The following ZCWPW2 variants were observed in gnomAD, a reference collection of about 807,000 sequenced individuals.
ZCWPW2 encodes the protein zinc finger CW-type and PWWP domain containing 2.
A neutral mutation model predicts 46.6 loss-of-function variants in ZCWPW2; 45 were observed. That is an observed-to-expected ratio of 0.96 (90% CI 0.76 to 1.24). ZCWPW2 has a LOEUF of 1.24. Ranked by LOEUF, ZCWPW2 falls within the 50% of genes most tolerant of loss-of-function variation. The pLI is 0.00. For missense variants in ZCWPW2, 429 were observed against 403.9 expected (o/e 1.06, Z -0.53); for synonymous variants, 152 against 137.1 (o/e 1.11, Z -0.76).
chr3:28,406,112 G>T (rs1018130325), intron 2 of ZCWPW2, among the ~76,000 whole-genome samples: 2 of 152,182 alleles, frequency 1.3e-5, no homozygotes, highest in Non-Finnish European at 1.5e-5. Context: ...CTGTGGCTTG[G>T]CTCTTCTTGA....
rs66815845 is a variant in ZCWPW2 at position 28,381,025 on chromosome 3, G to GTA, written c.-133-9455_-133-9454dup. 8.6e-3 allele frequency among the ~76,000 whole-genome samples: 60 copies of GTA among 7,006 alleles called. 10 individuals are homozygous for GTA. Among genetic ancestry groups the GTA allele is most frequent in the African/African-American group, 0.025 (30 of 1,188 alleles). The allele number at this position is 7,006 out of a possible 152,430, so 4.6% of individuals were successfully genotyped here. A position where few individuals can be genotyped will look rare whatever the true frequency, so the allele number is the denominator to read the frequency against. On this transcript the variant is annotated intron_variant, in intron 1 of 9. Coordinates refer to ENST00000383768, the MANE Select transcript of ZCWPW2 (RefSeq NM_001040432.4). Reference sequence around the variant, plus strand: ...GTATATATATATATATATATATTTGGTATATATATATATATATATTTGGTG... The same window carrying GTA: ...GTATATATATATATATATATATTTGGTATATATATATATATATATATTTGGTG...
At chr3:28,515,229 T>G (rs978934634) in intron 7 of ZCWPW2, among the ~76,000 whole-genome samples, 15 of 152,162 alleles carry the variant, frequency 9.9e-5, no homozygotes, top group African/African-American at 3.4e-4. Flanking sequence ...AAATTTCTTG[T>G]TTTTCTCTGA....
intron 6 of ZCWPW2, among the ~76,000 whole-genome samples, chr3:28,494,865 T>C (rs543605363): frequency 7.1e-6 from 1 of 140,358 alleles, no homozygotes; most frequent in Admixed American, 7.4e-5. Context: ...GGAATCCAAC[T>C]TACAAGGGAT....
intron 4 of ZCWPW2, among the ~76,000 whole-genome samples, chr3:28,470,309 A>G (rs1698988766): frequency 6.6e-6 from 1 of 152,158 alleles, no homozygotes; most frequent in South Asian, 2.1e-4. Flanking sequence ...CCTGGCCAAC[A>G]TGGTAAATAA....
chr3:28,442,664 G>A (rs796756539), intron 4 of ZCWPW2, among the ~76,000 whole-genome samples: 12 of 152,380 alleles, frequency 7.9e-5, no homozygotes, highest in African/African-American at 2.6e-4. Flanking sequence ...TGCATACCAG[G>A]TATCAGGAGA....
chr3:28,478,986 G>A, intron 5 of ZCWPW2, 55 bp downstream of exon 5: 2 of 1,165,250 alleles, frequency 1.7e-6, no homozygotes, highest in Non-Finnish European at 2.4e-6. Flanking sequence ...TCAAATGCAT[G>A]TTTTCCAAAA....
intron 5 of ZCWPW2, among the ~76,000 whole-genome samples, chr3:28,485,104 C>T (rs773438936): frequency 6.6e-6 from 1 of 150,934 alleles, no homozygotes; most frequent in Non-Finnish European, 1.5e-5. Context: ...CTTTCATTTT[C>T]ATTGAGTTCA....
chr3:28,387,917 A>G (rs1375263297), intron 1 of ZCWPW2, among the ~76,000 whole-genome samples: 1 of 152,200 alleles, frequency 6.6e-6, no homozygotes, highest in Non-Finnish European at 1.5e-5. Flanking sequence ...TTCATTAGTC[A>G]GGGTTCTACA....
intron 8 of ZCWPW2, among the ~76,000 whole-genome samples, chr3:28,519,826 G>A (rs1235401815): frequency 6.6e-6 from 1 of 152,150 alleles, no homozygotes; most frequent in Admixed American, 6.5e-5. Context: ...TTTCTTTGAA[G>A]CAAAGGCTTC....
At chr3:28,505,544 A>G (rs894736567) in intron 6 of ZCWPW2, among the ~76,000 whole-genome samples, 1 of 152,154 alleles carries the variant, frequency 6.6e-6, no homozygotes, top group Non-Finnish European at 1.5e-5. Context: ...AGACTTAACT[A>G]TATTATCTCT....
At chr3:28,481,274 C>T (rs570690168) in intron 5 of ZCWPW2, among the ~76,000 whole-genome samples, 19 of 149,148 alleles carry the variant, frequency 1.3e-4, no homozygotes, top group African/African-American at 2.5e-4. Flanking sequence ...GATGGAGTCT[C>T]GCTCTGTTGC....
chr3:28,492,170 A>G lies in ZCWPW2; in HGVS notation c.654A>G (p.Lys218=), dbSNP rs1274064886. ...ACAAAGTTGCTGCACTGGTCAAGAA[A>G]AGGGTAAGATTGTGTTTTATTATAT... ...THDKVAALVK[K]RKQTSKNNIE... The change falls in exon 6 of 10, where the codon AAA becomes AAG. Residue 218 remains lysine (K), a synonymous_variant. Transcript: ENST00000383768. 6.2e-7 allele frequency: 1 copy of G among 1,606,262 alleles called. No homozygotes were observed. Among genetic ancestry groups the G allele is most frequent in the Admixed American group, 1.7e-5 (1 of 59,170 alleles).
intron 4 of ZCWPW2, chr3:28,447,809 A>C: frequency 1.1e-6 from 1 of 913,712 alleles, no homozygotes; most frequent in South Asian, 1.3e-5. Context: ...CCCTGGCAAT[A>C]GAATTGTTTA....
chr3:28,434,015 TAC>T (rs1697382047), intron 3 of ZCWPW2, among the ~76,000 whole-genome samples: 1 of 151,702 alleles, frequency 6.6e-6, no homozygotes, highest in Non-Finnish European at 1.5e-5. Flanking sequence ...TGTTTAAAAT[TAC>T]AGAAATTATT....
At chr3:28,365,343 TC>T (rs1343451664) in intron 1 of ZCWPW2, among the ~76,000 whole-genome samples, 2 of 141,512 alleles carry the variant, frequency 1.4e-5, no homozygotes. Flanking sequence ...AAGGAAGGGA[TC>T]CAGTTTCAGC....
At chr3:28,360,143 T>C (rs919726070) in intron 1 of ZCWPW2, among the ~76,000 whole-genome samples, 1 of 151,430 alleles carries the variant, frequency 6.6e-6, no homozygotes, top group Non-Finnish European at 1.5e-5. Context: ...TTAATGTAGC[T>C]TGGTATAATT....
At chr3:28,516,107 G>A (rs1035770223) in intron 8 of ZCWPW2, among the ~76,000 whole-genome samples, 1 of 151,782 alleles carries the variant, frequency 6.6e-6, no homozygotes, top group Non-Finnish European at 1.5e-5. Context: ...GGCCGTGGTG[G>A]CATGCACCTG....
At chr3:28,441,733 A>G (rs988827015) in intron 4 of ZCWPW2, among the ~76,000 whole-genome samples, 4 of 152,122 alleles carry the variant, frequency 2.6e-5, no homozygotes, top group African/African-American at 9.7e-5. Context: ...TTGATTATGG[A>G]ATGCTGCTGT....
chr3:28,481,972 T>C lies in ZCWPW2; in HGVS notation c.610+3041T>C, dbSNP rs898993092. The stretch of plus-strand genomic sequence containing the variant: ...ATACCATGACATCTATTTGTTACAA[T>C]TCATGAACCTACACTGACACGTCAT... On this transcript the variant is annotated intron_variant, in intron 5 of 9. Coordinates refer to ENST00000383768, the MANE Select transcript of ZCWPW2 (RefSeq NM_001040432.4). Among the ~76,000 whole-genome samples the C allele has an allele frequency of 2.6e-5, 4 of 152,120 alleles. 1 individual carries two copies. Among genetic ancestry groups the C allele is most frequent in the African/African-American group, 9.7e-5 (4 of 41,422 alleles).
Sources: allele counts gnomAD v4.1 joint callset (sites outside exome capture counted in the v4.1 genomes callset), GRCh38; gene constraint gnomAD v4.1.1; transcripts MANE v1.5; gene names NCBI Gene and HGNC (gene_info 2026-07-23, HGNC 2026-07-21).